The following SAMMSON variants were observed in gnomAD, a reference collection of about 807,000 sequenced individuals.
SAMMSON encodes the protein survival associated mitochondrial melanoma specific oncogenic non-coding RNA, also known as long intergenic non-protein coding RNA 1212.
chr3:70,388,014 C>T (rs1700993753), intron 9 of SAMMSON, among the ~76,000 whole-genome samples: 1 of 151,924 alleles, frequency 6.6e-6, no homozygotes, highest in Non-Finnish European at 1.5e-5. Context: ...AATCTCTCAC[C>T]CCCTGCACTG....
chr3:70,382,180 C>T (rs897476560), intron 9 of SAMMSON, among the ~76,000 whole-genome samples: 1 of 152,078 alleles, frequency 6.6e-6, no homozygotes, highest in African/African-American at 2.4e-5. Context: ...TATTTAAGCA[C>T]TTTAGTATGT....
chr3:70,028,785 T>A (rs2067053002), intron 3 of SAMMSON, among the ~76,000 whole-genome samples: 1 of 152,230 alleles, frequency 6.6e-6, no homozygotes, highest in Non-Finnish European at 1.5e-5. Context: ...ATGTGTCTCA[T>A]GTTTTTCTAG....
chr3:70,183,231 A>C (rs1356984178), intron 4 of SAMMSON: 1 of 152,212 alleles, frequency 6.6e-6, no homozygotes, highest in Non-Finnish European at 1.5e-5. Context: ...CAAAGAGATG[A>C]TTATGAATGT....
chr3:70,175,986 G>A (rs1361206601), intron 4 of SAMMSON, among the ~76,000 whole-genome samples: 1 of 152,018 alleles, frequency 6.6e-6, no homozygotes, highest in Non-Finnish European at 1.5e-5. Flanking sequence ...TTCATCTAGA[G>A]ATATTTCTGC....
At chr3:70,089,795 G>T (rs1391962929) in intron 4 of SAMMSON, among the ~76,000 whole-genome samples, 3 of 152,100 alleles carry the variant, frequency 2.0e-5, no homozygotes, top group African/African-American at 4.8e-5. Context: ...TTTAAAAAAA[G>T]TATTTGTCCA....
At chr3:70,193,831 G>C (rs1457091298) in intron 4 of SAMMSON, among the ~76,000 whole-genome samples, 1 of 152,010 alleles carries the variant, frequency 6.6e-6, no homozygotes, top group African/African-American at 2.4e-5. Context: ...AATTAATTCT[G>C]CCTATCAAAT....
intron 4 of SAMMSON, chr3:70,126,110 T>C (rs6549270): frequency 0.66 from 813,682 of 1,242,170 alleles, 274,207 homozygotes; most frequent in East Asian, 1. Flanking sequence ...ACTCTGTTTG[T>C]TAGGATTGTG....
At chr3:70,252,787 A>G (rs1701781523) in intron 6 of SAMMSON, among the ~76,000 whole-genome samples, 1 of 152,146 alleles carries the variant, frequency 6.6e-6, no homozygotes, top group Non-Finnish European at 1.5e-5. Context: ...TAAAAAGAAA[A>G]TCAAAAAGAA....
chr3:70,356,443 A>G (rs901370973), intron 8 of SAMMSON, among the ~76,000 whole-genome samples: 1 of 152,112 alleles, frequency 6.6e-6, no homozygotes, highest in Non-Finnish European at 1.5e-5. Flanking sequence ...AATGTGCTAT[A>G]CCCTAACCTG....
At chr3:70,164,729 A>G in intron 4 of SAMMSON, among the ~76,000 whole-genome samples, 1 of 152,086 alleles carries the variant, frequency 6.6e-6, no homozygotes, top group Non-Finnish European at 1.5e-5. Flanking sequence ...CCAGAGGATA[A>G]TAATAGAACC....
At chr3:70,308,552 C>A (rs1195995057) in intron 7 of SAMMSON, among the ~76,000 whole-genome samples, 1 of 152,078 alleles carries the variant, frequency 6.6e-6, no homozygotes, top group Non-Finnish European at 1.5e-5. Context: ...TGTGAACAGG[C>A]CCATGACCCA....
intron 2 of SAMMSON, chr3:70,425,165 A>G (rs1327736203): frequency 1.3e-5 from 2 of 152,242 alleles, no homozygotes; most frequent in Non-Finnish European, 2.9e-5. Flanking sequence ...AGTTTCTCCA[A>G]TAAGCAATGA....
chr3:70,381,996 A>G (rs1703072964), intron 9 of SAMMSON, among the ~76,000 whole-genome samples: 2 of 152,152 alleles, frequency 1.3e-5, no homozygotes, highest in Admixed American at 1.3e-4. Flanking sequence ...TGTAATACTC[A>G]TATTGTGATT....
At chr3:70,230,909 G>A (rs1256685995) in intron 4 of SAMMSON, among the ~76,000 whole-genome samples, 1 of 152,132 alleles carries the variant, frequency 6.6e-6, no homozygotes, top group Non-Finnish European at 1.5e-5. Context: ...TGTTGAAAAG[G>A]CAAACTTCCA....
At chr3:70,191,002 C>A (rs763364790) in intron 4 of SAMMSON, among the ~76,000 whole-genome samples, 9 of 152,172 alleles carry the variant, frequency 5.9e-5, no homozygotes, top group Non-Finnish European at 1.3e-4. Flanking sequence ...TAATTGGACA[C>A]GTTAATGCAG....
chr3:70,341,603 T>G (rs1422116681), intron 7 of SAMMSON, among the ~76,000 whole-genome samples: 1 of 152,122 alleles, frequency 6.6e-6, no homozygotes, highest in Non-Finnish European at 1.5e-5. Context: ...CCTTCTTATA[T>G]AAGAAGACAA....
At chr3:70,061,410 TA>T (rs1390724094) in intron 3 of SAMMSON, among the ~76,000 whole-genome samples, 3 of 152,112 alleles carry the variant, frequency 2.0e-5, no homozygotes, top group South Asian at 2.1e-4. Flanking sequence ...GCGTAATGTT[TA>T]AAAAATCTTT....
At chr3:70,104,403 A>C (rs2067358831) in intron 4 of SAMMSON, among the ~76,000 whole-genome samples, 1 of 152,178 alleles carries the variant, frequency 6.6e-6, no homozygotes, top group East Asian at 1.9e-4. Flanking sequence ...CATGCATGCA[A>C]GGGATTCTCA....
intron 7 of SAMMSON, among the ~76,000 whole-genome samples, chr3:70,340,784 GC>G (rs1359872319): frequency 7.2e-5 from 11 of 152,002 alleles, no homozygotes; most frequent in Admixed American, 6.6e-5. Flanking sequence ...TCCTGATTTT[GC>G]CCCTTGCACC....
Sources: allele counts gnomAD v4.1 joint callset (sites outside exome capture counted in the v4.1 genomes callset), GRCh38; gene constraint gnomAD v4.1.1; transcripts MANE v1.5; gene names NCBI Gene and HGNC (gene_info 2026-07-23, HGNC 2026-07-21).